Variants in COL11A1 observed in about 807,000 individuals in gnomAD.
COL11A1 encodes collagen type XI alpha 1 chain.
In COL11A1, 74 loss-of-function variants were observed where a neutral mutation model predicts 265.2. The observed-to-expected ratio is 0.28, with a 90% CI of 0.23 to 0.34. The LOEUF (loss-of-function observed/expected upper bound fraction) is 0.34, where lower values mean the gene tolerates loss of function less well. Among genes scored for constraint, COL11A1 ranks in the 10% least tolerant of loss-of-function variants. The pLI is 1.00. For missense variants in COL11A1, 2,165 were observed against 2,263.6 expected (o/e 0.96, Z 0.88); for synonymous variants, 816 against 727.6 (o/e 1.12, Z -1.96).
chr1:103,051,688 G>T (rs142699749), intron 4 of COL11A1, among the ~76,000 whole-genome samples: 1 of 152,158 alleles, frequency 6.6e-6, no homozygotes, highest in Non-Finnish European at 1.5e-5. Flanking sequence ...CCTGTCTTCT[G>T]CATCGCTCAC....
In COL11A1 at chr1:102,921,074, A is replaced by C. The variant is rs377531971; in HGVS notation, c.3708+444T>G. ...CATCTTTATACAATTAAGAGAAAACATTTTACATGATAAAGGGTGCACCTA... is the reference window on the plus strand; with the variant it reads ...CATCTTTATACAATTAAGAGAAAACCTTTTACATGATAAAGGGTGCACCTA... On this transcript the variant is annotated intron_variant, in intron 48 of 66. Coordinates refer to ENST00000370096, the MANE Select transcript of COL11A1 (RefSeq NM_001854.4). Among the ~76,000 whole-genome samples, 49 of 152,264 alleles carry C rather than the reference A, an allele frequency of 3.2e-4. No individual in the cohort carries two copies. In the East Asian group the frequency reaches 8.7e-3, roughly 27 times the overall value.
chr1:103,002,129 ACACAAG>A (rs1344598292), intron 23 of COL11A1, among the ~76,000 whole-genome samples, 160 bp from the exon 24 acceptor site: 1 of 152,122 alleles, frequency 6.6e-6, no homozygotes, highest in African/African-American at 2.4e-5. Context: ...GAGGAGTTTT[ACACAAG>A]CTGCTCTTTT....
chr1:103,067,557 C>A (rs1197000114), intron 4 of COL11A1, among the ~76,000 whole-genome samples: 1 of 151,552 alleles, frequency 6.6e-6, no homozygotes, highest in Non-Finnish European at 1.5e-5. Context: ...TAACCCTATA[C>A]TTTGAGAGGC....
intron 54 of COL11A1, among the ~76,000 whole-genome samples, chr1:102,901,335 A>AC (rs930005898): frequency 6.6e-6 from 1 of 151,852 alleles, no homozygotes; most frequent in Non-Finnish European, 1.5e-5. Context: ...AAAAAAAAAA[A>AC]AACTGAGGCT....
At chr1:103,056,632 A>T (rs1159754114) in intron 4 of COL11A1, among the ~76,000 whole-genome samples, 1 of 152,166 alleles carries the variant, frequency 6.6e-6, no homozygotes, top group East Asian at 1.9e-4. Flanking sequence ...TCTTAAAAAA[A>T]GCATGCCCTC....
chr1:102,974,632 A>T (rs1417406356), intron 36 of COL11A1, among the ~76,000 whole-genome samples, 198 bp downstream of exon 36: 5 of 152,196 alleles, frequency 3.3e-5, no homozygotes, highest in Non-Finnish European at 5.9e-5. Flanking sequence ...AAAATACTTA[A>T]TAAGAGATGT....
chr1:102,974,191 C>CAAAT (rs1194869018), intron 36 of COL11A1, among the ~76,000 whole-genome samples: 1 of 148,670 alleles, frequency 6.7e-6, no homozygotes, highest in Admixed American at 6.8e-5. Flanking sequence ...AACAAACAAA[C>CAAAT]AAAAACAAAA....
rs532406799 is a variant in COL11A1, at chr1:102,877,043, T to C, written c.*976A>G. 1 of 152,684 alleles carries C rather than the reference T, an allele frequency of 6.5e-6. No individual in the cohort carries two copies. Among genetic ancestry groups the C allele is most frequent in the East Asian group, 1.9e-4 (1 of 5,182 alleles). The allele number at this position is 152,684 out of a possible 1,614,324, so 9.5% of individuals were successfully genotyped here. On this transcript the variant is annotated 3_prime_UTR_variant, in exon 67 of 67. Coordinates refer to ENST00000370096, the MANE Select transcript of COL11A1 (RefSeq NM_001854.4). ...TTGCACAAATTCATAAATAATTGCTTAATTTCCATCTTTAATATTAACCTG... is the reference window on the plus strand; with the variant it reads ...TTGCACAAATTCATAAATAATTGCTCAATTTCCATCTTTAATATTAACCTG...
chr1:102,924,544 T>A (rs1488078974), intron 46 of COL11A1, among the ~76,000 whole-genome samples: 1 of 152,218 alleles, frequency 6.6e-6, no homozygotes, highest in African/African-American at 2.4e-5. Context: ...CATGCATTCA[T>A]CAGTGATCTT....
chr1:102,880,225 A>G lies in COL11A1; in HGVS notation c.5041-309T>C, dbSNP rs138157227. 1.3e-3 allele frequency among the ~76,000 whole-genome samples: 195 copies of G among 152,320 alleles called. 3 individuals carry two copies. The East Asian group carries it at 0.03, about 23-fold the overall frequency. The stretch of plus-strand genomic sequence containing the variant: ...TGCTTTAGTTTCCAAGAAATGTTTC[A>G]ATATATTTCTGTATCTTTTTGAAAA... On this transcript the variant is annotated intron_variant, in intron 65 of 66. Transcript: ENST00000370096.
At chr1:103,094,057 TATGTTATCC>T (rs1673544987) in intron 1 of COL11A1, among the ~76,000 whole-genome samples, 1 of 152,080 alleles carries the variant, frequency 6.6e-6, no homozygotes, top group African/African-American at 2.4e-5. Flanking sequence ...ACTGTGGCCA[TATGTTATCC>T]ATGGCTTCAC....
At chr1:102,907,758 T>G (rs2100989844) in intron 54 of COL11A1, among the ~76,000 whole-genome samples, 1 of 152,088 alleles carries the variant, frequency 6.6e-6, no homozygotes, top group Admixed American at 6.5e-5. Context: ...CTGTTATGCA[T>G]GCATCTGTAG....
At chr1:103,063,871 A>G (rs1040412879) in intron 4 of COL11A1, among the ~76,000 whole-genome samples, 1 of 152,244 alleles carries the variant, frequency 6.6e-6, no homozygotes, top group African/African-American at 2.4e-5. Flanking sequence ...AAAAAAGCTA[A>G]CAATCTGACT....
At chr1:103,091,104 T>C in intron 1 of COL11A1, among the ~76,000 whole-genome samples, 1 of 152,078 alleles carries the variant, frequency 6.6e-6, no homozygotes, top group East Asian at 1.9e-4. Flanking sequence ...TTAGCATTTT[T>C]CTCTTTTCAT....
chr1:103,059,133 T>C (rs1361811701), intron 4 of COL11A1, among the ~76,000 whole-genome samples: 1 of 152,318 alleles, frequency 6.6e-6, no homozygotes, highest in East Asian at 1.9e-4. Flanking sequence ...AAAAGCATGA[T>C]ATAACAATGT....
At chr1:103,054,194 T>C (rs1267690497) in intron 4 of COL11A1, among the ~76,000 whole-genome samples, 1 of 152,252 alleles carries the variant, frequency 6.6e-6, no homozygotes, top group African/African-American at 2.4e-5. Context: ...AGTAATTTTG[T>C]TGTTTTAATA....
At chr1:102,915,973 G>T (rs755587220) in intron 49 of COL11A1, among the ~76,000 whole-genome samples, 1 of 152,070 alleles carries the variant, frequency 6.6e-6, no homozygotes, top group Non-Finnish European at 1.5e-5. Context: ...ACAGACATAT[G>T]CATGTTTCCT....
At chr1:103,021,319 T>C (rs893588707) in intron 9 of COL11A1, among the ~76,000 whole-genome samples, 1 of 152,048 alleles carries the variant, frequency 6.6e-6, no homozygotes, top group African/African-American at 2.4e-5. Context: ...TAATGTGAAG[T>C]CATAGAGATT....
At chr1:103,092,233 T>C (rs1026002517) in intron 1 of COL11A1, among the ~76,000 whole-genome samples, 1 of 152,130 alleles carries the variant, frequency 6.6e-6, no homozygotes, top group Non-Finnish European at 1.5e-5. Context: ...GGTCCAGTTA[T>C]GTATGAATAT....
Sources: allele counts gnomAD v4.1 joint callset (sites outside exome capture counted in the v4.1 genomes callset), GRCh38; gene constraint gnomAD v4.1.1; transcripts MANE v1.5; gene names NCBI Gene and HGNC (gene_info 2026-07-23, HGNC 2026-07-21).